The following PEAK1 variants were observed in gnomAD, a reference collection of about 807,000 sequenced individuals.
PEAK1 encodes the protein pseudopodium enriched atypical kinase 1, also known as inactive tyrosine-protein kinase PEAK1.
Under a neutral mutation model 124.7 loss-of-function variants are expected in PEAK1, and 54 were observed. That is an observed-to-expected ratio of 0.43 (90% confidence interval 0.35 to 0.54). The LOEUF is 0.54. Ranked by LOEUF, PEAK1 falls within the 20% of genes least tolerant of loss-of-function variation. PEAK1 has a pLI of 0.01. For missense variants in PEAK1, 2,046 were observed against 2,134.5 expected, an observed-to-expected ratio of 0.96 and a Z score of 0.82; for synonymous variants, 719 against 760.0, an observed-to-expected ratio of 0.95 and a Z score of 0.89.
At chr15:77,303,992 T>C (rs931519625) in intron 2 of PEAK1, among the ~76,000 whole-genome samples, 3 of 152,226 alleles carry the variant, frequency 2.0e-5, no homozygotes, top group Non-Finnish European at 2.9e-5. Context: ...AAAAATCAGT[T>C]GACTATATTC....
At chr15:77,173,979 T>C (rs1162449276) in intron 7 of PEAK1, among the ~76,000 whole-genome samples, 1 of 152,240 alleles carries the variant, frequency 6.6e-6, no homozygotes, top group Non-Finnish European at 1.5e-5. Flanking sequence ...GATAAGCTTT[T>C]TATATGTTTT....
chr15:77,279,182 G>T (rs1034721753), intron 5 of PEAK1, among the ~76,000 whole-genome samples: 2 of 151,676 alleles, frequency 1.3e-5, no homozygotes. Context: ...TGTTGTTTTT[G>T]GGGGAAGGGG....
Position 77,180,174 on chromosome 15 carries a change from C to T in PEAK1, c.1753G>A (p.Val585Ile), listed in dbSNP as rs1352432543. 3 of 1,614,054 alleles carry T rather than the reference C, an allele frequency of 1.9e-6. No homozygotes were observed. The highest frequency in any genetic ancestry group is 4.5e-5 in the East Asian group (2 of 44,874). Residue 585 changes from valine to isoleucine, a missense_variant, in exon 7 of 10, where the codon GTT becomes ATT. Transcript: ENST00000682557. ...ATTTCAGACAAATTAGGTGACTTAA[C>T]AGGGATGGTTTTGGAGGAAATGTTT... ...ATNISSKTIPVKSPNLSEIKF... is the reference protein window; with the variant it reads ...ATNISSKTIPIKSPNLSEIKF...
chr15:77,163,408 A>G (rs2055831683), intron 7 of PEAK1, among the ~76,000 whole-genome samples: 1 of 152,244 alleles, frequency 6.6e-6, no homozygotes, highest in African/African-American at 2.4e-5. Flanking sequence ...GTATCTCATC[A>G]GTCTGCCATA....
At chr15:77,247,784 CA>C (rs1387600222) in intron 6 of PEAK1, among the ~76,000 whole-genome samples, 1 of 152,020 alleles carries the variant, frequency 6.6e-6, no homozygotes, top group Non-Finnish European at 1.5e-5. Context: ...TGCATTGATT[CA>C]TTCTGAAGAT....
intron 6 of PEAK1, among the ~76,000 whole-genome samples, chr15:77,221,237 G>A (rs2059377944): frequency 1.3e-5 from 2 of 152,040 alleles, no homozygotes; most frequent in South Asian, 4.1e-4. Flanking sequence ...CTATCACGTG[G>A]TCAGTCACTT....
At chr15:77,397,588 G>A (rs555693668) in intron 1 of PEAK1, among the ~76,000 whole-genome samples, 2 of 151,884 alleles carry the variant, frequency 1.3e-5, no homozygotes, top group African/African-American at 4.8e-5. Flanking sequence ...TAAAATAAAA[G>A]ATGAAAAAGA....
chr15:77,135,375 G>C (rs931867424), intron 8 of PEAK1, among the ~76,000 whole-genome samples: 1 of 152,134 alleles, frequency 6.6e-6, no homozygotes, highest in Non-Finnish European at 1.5e-5. Context: ...TTATGACAGG[G>C]ATAAGTTCTG....
intron 2 of PEAK1, among the ~76,000 whole-genome samples, chr15:77,338,442 C>T (rs1465979047): frequency 6.6e-6 from 1 of 152,064 alleles, no homozygotes; most frequent in Non-Finnish European, 1.5e-5. Flanking sequence ...AAATCTGTGA[C>T]TTTGAAAGAG....
intron 1 of PEAK1, among the ~76,000 whole-genome samples, chr15:77,419,744 G>A (rs1443254035): frequency 6.7e-6 from 1 of 149,520 alleles, no homozygotes; most frequent in Non-Finnish European, 1.5e-5. Flanking sequence ...CGCCGAGGGA[G>A]GGGGCAGGGG....
chr15:77,211,673 C>G (rs1284501137), intron 6 of PEAK1, among the ~76,000 whole-genome samples: 1 of 151,788 alleles, frequency 6.6e-6, no homozygotes, highest in Non-Finnish European at 1.5e-5. Flanking sequence ...TGTGGTGAAA[C>G]CCCGTCTCTA....
intron 6 of PEAK1, among the ~76,000 whole-genome samples, chr15:77,192,952 C>T (rs1208765372): frequency 1.3e-5 from 2 of 152,010 alleles, no homozygotes; most frequent in African/African-American, 2.4e-5. Context: ...TTTTTCTGTA[C>T]ACAGATCAAG....
intron 1 of PEAK1, among the ~76,000 whole-genome samples, chr15:77,391,885 G>A (rs182697950): frequency 1.9e-3 from 291 of 152,244 alleles, no homozygotes; most frequent in Non-Finnish European, 3.3e-3. Flanking sequence ...ACTAATATCC[G>A]ATTATTCACC....
chr15:77,288,996 AAGAAGACATGTATTGCAAGG>A (rs1359097201), intron 2 of PEAK1, among the ~76,000 whole-genome samples: 1 of 152,156 alleles, frequency 6.6e-6, no homozygotes, highest in Admixed American at 6.5e-5. Context: ...ATAGGAGGCT[AAGAAGACATGTATTGCAAGG>A]TTTGGAGGAA....
In PEAK1 at chr15:77,123,178, C is replaced by T. The variant is rs1342963683; in HGVS notation, c.4078-7859G>A. Among the ~76,000 whole-genome samples the T allele has an allele frequency of 3.3e-5, 5 of 152,294 alleles. No individual in the cohort carries two copies. In the South Asian group the frequency reaches 1.0e-3, roughly 32 times the overall value. ...ACTACTTTAAAGATACCTACTATCC[C>T]AATTCTGGAACTGTTGGAAAATAAC... On this transcript the variant is annotated intron_variant, in intron 9 of 9. Transcript: ENST00000682557.
At chr15:77,404,710 G>C in intron 1 of PEAK1, 1 of 942,974 alleles carries the variant, frequency 1.1e-6, no homozygotes, top group Non-Finnish European at 1.3e-6. Context: ...ATGATCATAG[G>C]AGAAGTAGGA....
At chr15:77,259,284 C>A (rs2061323544) in intron 5 of PEAK1, among the ~76,000 whole-genome samples, 1 of 152,200 alleles carries the variant, frequency 6.6e-6, no homozygotes, top group Non-Finnish European at 1.5e-5. Flanking sequence ...GCCATTCCTT[C>A]ATATTTCTAA....
chr15:77,403,970 C>G, intron 1 of PEAK1: 1 of 966,886 alleles, frequency 1.0e-6, no homozygotes, highest in Non-Finnish European at 1.2e-6. Flanking sequence ...CTGCGTGTCA[C>G]AAGGGTTTGG....
chr15:77,293,927 A>G (rs2063354045), intron 2 of PEAK1, among the ~76,000 whole-genome samples: 1 of 152,184 alleles, frequency 6.6e-6, no homozygotes, highest in Admixed American at 6.5e-5. Context: ...ACAGAGGCTG[A>G]AGGGGTCATC....
Sources: gnomAD v4.1 joint callset for allele counts (sites outside exome capture counted in the v4.1 genomes callset) on GRCh38, gnomAD v4.1.1 for gene constraint, MANE v1.5 for transcripts, NCBI Gene and HGNC (gene_info 2026-07-23, HGNC 2026-07-21) for gene names.